GABRA1: variants seen among roughly 807,000 people sequenced by gnomAD.
The protein encoded by GABRA1 is gamma-aminobutyric acid receptor subunit alpha-1.
A neutral mutation model predicts 48.9 loss-of-function variants in GABRA1; 9 were observed. The ratio of observed to expected loss-of-function variants is 0.18; its 90% CI spans 0.11 to 0.32. The LOEUF (loss-of-function observed/expected upper bound fraction) is 0.32. Among genes scored for constraint, GABRA1 ranks in the 10% least tolerant of loss-of-function variants. The pLI, the probability that GABRA1 is intolerant of heterozygous loss-of-function variation, is 1.00. For synonymous variants in GABRA1, 210 were observed against 198.7 expected (o/e 1.06, Z -0.48); for missense variants, 285 against 553.8 (o/e 0.51, Z 4.87).
intron 1 of GABRA1, among the ~76,000 whole-genome samples, chr5:161,849,638 T>C (rs139529024): frequency 6.0e-4 from 92 of 152,302 alleles, no homozygotes; most frequent in African/African-American, 2.0e-3. Flanking sequence ...CACATTAAAC[T>C]ATAGAGGGTT....
intron 1 of GABRA1, chr5:161,850,455 A>G: frequency 2.2e-6 from 1 of 461,156 alleles, no homozygotes; most frequent in Non-Finnish European, 3.8e-6. Flanking sequence ...TTTAGATGAT[A>G]AACAACAAGA....
intron 4 of GABRA1, among the ~76,000 whole-genome samples, chr5:161,871,807 C>T (rs886625017): frequency 6.2e-4 from 94 of 152,258 alleles, no homozygotes; most frequent in African/African-American, 2.1e-3. Context: ...CGGATTACAC[C>T]TCCTTGTTTC....
chr5:161,895,517 C>T (rs1420248413), intron 8 of GABRA1, 149 bp from the exon 9 acceptor site: 4 of 717,726 alleles, frequency 5.6e-6, no homozygotes, highest in African/African-American at 3.5e-5. Context: ...TAAATTAAGA[C>T]TCATCAATTC....
intron 6 of GABRA1, among the ~76,000 whole-genome samples, chr5:161,880,373 G>T (rs773564792): frequency 1.3e-5 from 2 of 151,974 alleles, no homozygotes; most frequent in Non-Finnish European, 2.9e-5. Context: ...AATTGTAAAC[G>T]ATAGGGTCCT....
At chr5:161,850,481 C>T in intron 1 of GABRA1, 3 of 498,072 alleles carry the variant, frequency 6.0e-6, no homozygotes, top group Non-Finnish European at 7.0e-6. Flanking sequence ...ATAAACCAAA[C>T]TATATTCTAA....
At chr5:161,860,862 C>T (rs890909024) in intron 3 of GABRA1, among the ~76,000 whole-genome samples, 7 of 151,662 alleles carry the variant, frequency 4.6e-5, no homozygotes, top group African/African-American at 1.7e-4. Context: ...TAGTAAACAG[C>T]CATTTTTTGT....
chr5:161,853,414 A>G (rs989856780), intron 2 of GABRA1, among the ~76,000 whole-genome samples: 1 of 151,916 alleles, frequency 6.6e-6, no homozygotes, highest in Non-Finnish European at 1.5e-5. Flanking sequence ...GTTTGCTCAC[A>G]AATAGGTGTG....
At chr5:161,892,828 C>A (rs1020873433) in intron 8 of GABRA1, among the ~76,000 whole-genome samples, 6 of 151,944 alleles carry the variant, frequency 3.9e-5, no homozygotes, top group Non-Finnish European at 8.8e-5. Flanking sequence ...CATGGTGAAA[C>A]CCCGTCTCTA....
At chr5:161,865,876 C>T (rs759332768) in intron 4 of GABRA1, 88 bp downstream of exon 4, 6 of 1,067,938 alleles carry the variant, frequency 5.6e-6, no homozygotes, top group Non-Finnish European at 8.7e-6. Flanking sequence ...TCTTAGGGAG[C>T]AACCTGAAAA....
intron 7 of GABRA1, among the ~76,000 whole-genome samples, chr5:161,886,389 A>G (rs1297978707): frequency 2.0e-5 from 3 of 150,698 alleles, no homozygotes; most frequent in Non-Finnish European, 4.4e-5. Flanking sequence ...AGCTATTGTG[A>G]GATGGAAATA....
chr5:161,899,222 C>A lies in GABRA1; in HGVS notation c.*1800C>A, dbSNP rs1755508673. 6.6e-6 allele frequency: 1 copy of A among 152,488 alleles called. No individual in the cohort carries two copies. The highest frequency in any genetic ancestry group is 6.6e-5 in the Admixed American group (1 of 15,252). 9.4% of individuals were successfully genotyped at this position (152,488 alleles called of 1,614,324 possible). ...ATGTTTTTCTCAAAAAGCTGCTATCCAATGATATAGGAAAATACATTGTGT... is the reference window on the plus strand; with the variant it reads ...ATGTTTTTCTCAAAAAGCTGCTATCAAATGATATAGGAAAATACATTGTGT... On this transcript the variant is annotated 3_prime_UTR_variant, in exon 10 of 10. Transcript: ENST00000393943.
chr5:161,888,059 T>C (rs970879299), intron 7 of GABRA1, among the ~76,000 whole-genome samples: 57 of 152,244 alleles, frequency 3.7e-4, no homozygotes, highest in African/African-American at 1.3e-3. Context: ...CTCTCCTTAA[T>C]TTTGTTTTGC....
At chr5:161,892,626 A>T (rs1202951152) in intron 8 of GABRA1, among the ~76,000 whole-genome samples, 1 of 152,184 alleles carries the variant, frequency 6.6e-6, no homozygotes, top group Non-Finnish European at 1.5e-5. Context: ...TCTTGTTAAG[A>T]TGCTTATATC....
intron 3 of GABRA1, among the ~76,000 whole-genome samples, chr5:161,863,751 C>CTT (rs113936281): frequency 6.7e-6 from 1 of 148,582 alleles, no homozygotes; most frequent in African/African-American, 2.5e-5. Flanking sequence ...TATTTTGAAG[C>CTT]TTTTTTTTTT....
At chr5:161,850,232 A>C (rs1419976892) in intron 1 of GABRA1, 1 of 164,138 alleles carries the variant, frequency 6.1e-6, no homozygotes, top group African/African-American at 2.4e-5. Flanking sequence ...CGACTCCGGC[A>C]TTCAACAGTG....
At chr5:161,857,818 T>C (rs1480563791) in intron 3 of GABRA1, among the ~76,000 whole-genome samples, 6 of 151,560 alleles carry the variant, frequency 4.0e-5, no homozygotes, top group Non-Finnish European at 8.9e-5. Flanking sequence ...TTCTTGTCCA[T>C]AATCACTTTA....
At position 161,848,376 on chromosome 5, in the gene GABRA1, G is replaced by C. The variant is rs952244685; in HGVS notation, c.-62G>C. On this transcript the variant is annotated 5_prime_UTR_variant, in exon 1 of 10. Coordinates refer to ENST00000393943, the MANE Select transcript of GABRA1 (RefSeq NM_001127644.2). ...AGTCTCTCCACGATTCTCTCTCCCA[G>C]ACTTTTCCCCGGTCTTAAGAGATCC... 9.2e-5 allele frequency: 14 copies of C among 152,552 alleles called. No homozygotes were observed. The highest frequency in any genetic ancestry group is 3.4e-4 in the African/African-American group (14 of 41,388). 9.4% of individuals were successfully genotyped at this position (152,552 alleles called of 1,614,324 possible).
At position 161,873,081 on chromosome 5, in the gene GABRA1, A is replaced by G. The variant is rs934802453; in HGVS notation, c.256-36A>G. The G allele has an allele frequency of 3.4e-6, 5 of 1,476,100 alleles. No homozygotes were observed. The Admixed American group carries it at 6.7e-5, about 20-fold the overall frequency. 91.4% of individuals were successfully genotyped at this position (1,476,100 alleles called of 1,614,324 possible). On this transcript the variant is annotated intron_variant, in intron 4 of 9. Coordinates refer to ENST00000393943, the MANE Select transcript of GABRA1 (RefSeq NM_001127644.2). ...AGATATTTGCATTGCAAAATACAGC[A>G]CAGTGAACTCTTCGTCATTTTCCAA...
At chr5:161,864,441 C>G (rs2113349366) in intron 3 of GABRA1, among the ~76,000 whole-genome samples, 1 of 151,996 alleles carries the variant, frequency 6.6e-6, no homozygotes, top group Middle Eastern at 3.4e-3. Flanking sequence ...ATAACATGAC[C>G]TTCTAGGGAT....
Sources: allele counts gnomAD v4.1 joint callset (sites outside exome capture counted in the v4.1 genomes callset), GRCh38; gene constraint gnomAD v4.1.1; transcripts MANE v1.5; gene names NCBI Gene and HGNC (gene_info 2026-07-23, HGNC 2026-07-21).